The following SATB2 variants were observed in gnomAD, a reference collection of about 807,000 sequenced individuals.
SATB2 encodes SATB homeobox 2.
A neutral mutation model predicts 73.4 loss-of-function variants in SATB2; 1 was observed. That is an observed-to-expected ratio of 0.01 (90% CI 0.00 to 0.06). The LOEUF (loss-of-function observed/expected upper bound fraction) is 0.06, where lower values mean the gene tolerates loss of function less well. SATB2 is among the 10% of genes least tolerant of loss of function. The pLI is 1.00. For synonymous variants in SATB2, 397 were observed against 367.0 expected (o/e 1.08, Z -0.93); for missense variants, 459 against 945.8 (o/e 0.49, Z 6.75).
intron 3 of SATB2, among the ~76,000 whole-genome samples, chr2:199,392,263 C>G (rs1024671164): frequency 6.6e-6 from 1 of 150,596 alleles, no homozygotes; most frequent in Non-Finnish European, 1.5e-5. Context: ...TTTTTTTTTC[C>G]CTTCAATTCA....
At chr2:199,442,838 T>G (rs1010983420) in intron 2 of SATB2, among the ~76,000 whole-genome samples, 3 of 152,148 alleles carry the variant, frequency 2.0e-5, no homozygotes, top group Non-Finnish European at 4.4e-5. Context: ...GGGTATGGCA[T>G]ATTGTTGAAG....
chr2:199,370,061 G>T (rs1419864981), intron 5 of SATB2, among the ~76,000 whole-genome samples: 1 of 152,070 alleles, frequency 6.6e-6, no homozygotes, highest in South Asian at 2.1e-4. Context: ...GAACCTATGA[G>T]GCCTTGTCTC....
Position 199,455,502 on chromosome 2 carries a change from G to A in SATB2, c.169+367C>T, listed in dbSNP as rs939746587. Among the ~76,000 whole-genome samples, 1 of 152,170 alleles carries A rather than the reference G, an allele frequency of 6.6e-6. No homozygotes were observed. Among genetic ancestry groups the A allele is most frequent in the Non-Finnish European group, 1.5e-5 (1 of 68,030 alleles). ...TTAATGACTATTTTATTCCCTAAAA[G>A]CGAACGCACGTGAACTTCATCCCTA... On this transcript the variant is annotated intron_variant, in intron 2 of 10. Coordinates refer to ENST00000417098, the MANE Select transcript of SATB2 (RefSeq NM_001172509.2). This position sits in a 1 kb window ranked among gnomAD's most constrained non-coding sequence, Gnocchi z 4.1.
chr2:199,323,608 G>GT (rs1034473772), intron 9 of SATB2, among the ~76,000 whole-genome samples, 195 bp downstream of exon 9: 1 of 151,568 alleles, frequency 6.6e-6, no homozygotes, highest in Non-Finnish European at 1.5e-5. Context: ...AAGAAAAAAG[G>GT]TCAAGTTTTG....
intron 7 of SATB2, among the ~76,000 whole-genome samples, chr2:199,341,623 T>G (rs1481478294): frequency 1.3e-5 from 2 of 152,166 alleles, no homozygotes; most frequent in Non-Finnish European, 2.9e-5. Context: ...GGCATAGGTT[T>G]TAAACAATAA....
rs1690382109 is a variant in SATB2, at chr2:199,398,860, T to C, written c.347-17040A>G. Among the ~76,000 whole-genome samples, 3 of 152,236 alleles carry C rather than the reference T, an allele frequency of 2.0e-5. No individual in the cohort carries two copies. The South Asian group carries it at 6.2e-4, about 32-fold the overall frequency. ...TAAAGACTCACAGAATGAAGACTAC[T>C]ATTTTTTCTAACAGTGGGTAAGAGA... On this transcript the variant is annotated intron_variant, in intron 3 of 10. Coordinates refer to ENST00000417098, the MANE Select transcript of SATB2 (RefSeq NM_001172509.2).
intron 3 of SATB2, among the ~76,000 whole-genome samples, chr2:199,394,079 T>C (rs1473262763): frequency 6.6e-6 from 1 of 152,222 alleles, no homozygotes; most frequent in Non-Finnish European, 1.5e-5. Flanking sequence ...GACACTTTTA[T>C]GTTAATGAAA....
At chr2:199,379,288 C>A (rs1157632597) in intron 5 of SATB2, among the ~76,000 whole-genome samples, 1 of 152,152 alleles carries the variant, frequency 6.6e-6, no homozygotes, top group Non-Finnish European at 1.5e-5. Context: ...ATGGTGCGTT[C>A]ACTAAAAAAC....
At chr2:199,277,853 C>T (rs1247230454) in intron 10 of SATB2, among the ~76,000 whole-genome samples, 1 of 152,168 alleles carries the variant, frequency 6.6e-6, no homozygotes, top group East Asian at 1.9e-4. Context: ...GATGGGAAAA[C>T]TGGAGTTCCA....
chr2:199,371,139 C>T (rs1366165312), intron 5 of SATB2, among the ~76,000 whole-genome samples: 1 of 151,970 alleles, frequency 6.6e-6, no homozygotes, highest in African/African-American at 2.4e-5. Flanking sequence ...ACTTTAAAAT[C>T]AGAAGACATA....
chr2:199,316,000 C>T (rs1479569838), intron 9 of SATB2, among the ~76,000 whole-genome samples: 1 of 152,108 alleles, frequency 6.6e-6, no homozygotes, highest in African/African-American at 2.4e-5. Flanking sequence ...GCCATTTACT[C>T]ACCCACATCT....
At chr2:199,399,931 C>T (rs1690420424) in intron 3 of SATB2, among the ~76,000 whole-genome samples, 1 of 152,110 alleles carries the variant, frequency 6.6e-6, no homozygotes, top group African/African-American at 2.4e-5. Flanking sequence ...ATATTAATGT[C>T]TCCATTTTAG....
intron 3 of SATB2, among the ~76,000 whole-genome samples, chr2:199,408,021 T>G (rs1690689191): frequency 6.6e-6 from 1 of 152,156 alleles, no homozygotes; most frequent in Non-Finnish European, 1.5e-5. Flanking sequence ...CAAAAATACG[T>G]GAGAAAGCCT....
intron 3 of SATB2, among the ~76,000 whole-genome samples, chr2:199,403,721 T>C (rs1690550382): frequency 6.6e-6 from 1 of 152,212 alleles, no homozygotes; most frequent in Non-Finnish European, 1.5e-5. Context: ...TAGAAATCTT[T>C]ATATAGAAAC....
intron 3 of SATB2, among the ~76,000 whole-genome samples, chr2:199,412,078 G>C (rs374704614): frequency 6.6e-6 from 1 of 152,114 alleles, no homozygotes; most frequent in Non-Finnish European, 1.5e-5. Flanking sequence ...TGGTTGAAGG[G>C]AATGAAAAGG....
chr2:199,443,539 C>A (rs1045554250), intron 2 of SATB2, among the ~76,000 whole-genome samples: 31 of 133,284 alleles, frequency 2.3e-4, no homozygotes, highest in East Asian at 8.9e-4. Flanking sequence ...AAAGTTATAG[C>A]AAAAAAAAAA....
intron 6 of SATB2, among the ~76,000 whole-genome samples, chr2:199,351,352 G>A (rs140557442): frequency 2.6e-5 from 4 of 151,932 alleles, no homozygotes; most frequent in East Asian, 1.9e-4. Context: ...CAGTAGAGAC[G>A]GGGTTTCGCC....
At chr2:199,434,617 T>C (rs369814352) in intron 2 of SATB2, among the ~76,000 whole-genome samples, 1 of 152,138 alleles carries the variant, frequency 6.6e-6, no homozygotes, top group Non-Finnish European at 1.5e-5. Context: ...TTAAAACTTA[T>C]GAAGACTGGG....
chr2:199,444,758 C>T (rs769390991), intron 2 of SATB2, among the ~76,000 whole-genome samples: 2 of 152,158 alleles, frequency 1.3e-5, no homozygotes, highest in Non-Finnish European at 2.9e-5. Context: ...GTAAGAGCTA[C>T]TATTTTATCT....
Sources: allele counts gnomAD v4.1 joint callset (sites outside exome capture counted in the v4.1 genomes callset), GRCh38; gene constraint gnomAD v4.1.1; non-coding constraint Gnocchi (gnomAD v3.1); transcripts MANE v1.5; gene names NCBI Gene and HGNC (gene_info 2026-07-23, HGNC 2026-07-21).